The following ATG7 variants were observed in gnomAD, a reference collection of about 807,000 sequenced individuals.
ATG7 encodes autophagy related 7, also known as ubiquitin-like modifier-activating enzyme ATG7.
In ATG7, 70 loss-of-function variants were observed where a neutral mutation model predicts 82.4. That is an observed-to-expected ratio of 0.85 (90% CI 0.70 to 1.04). The LOEUF (loss-of-function observed/expected upper bound fraction) is 1.04. Among genes scored for constraint, ATG7 ranks in the 50% least tolerant of loss-of-function variants. The pLI, the probability that ATG7 is intolerant of heterozygous loss-of-function variation, is 0.00. For missense variants in ATG7, 792 were observed against 864.3 expected (o/e 0.92, Z 1.05); for synonymous variants, 287 against 313.0 (o/e 0.92, Z 0.88).
intron 14 of ATG7, among the ~76,000 whole-genome samples, chr3:11,350,177 G>T (rs1367337038): frequency 2.0e-5 from 3 of 152,122 alleles, no homozygotes; most frequent in Non-Finnish European, 2.9e-5. Context: ...TAATGTTTTT[G>T]TCCATTTCAC....
downstream of ATG7, among the ~76,000 whole-genome samples, chr3:11,560,070 G>A (rs1015483329): frequency 1.3e-5 from 2 of 150,250 alleles, no homozygotes; most frequent in East Asian, 3.9e-4. Context: ...CCACCCCCAC[G>A]CTGTCTGCCT....
chr3:11,299,415 A>T lies in ATG7; in HGVS notation c.214A>T (p.Met72Leu). ...RLTLEFSAFD[M>L]SAPTPARCCP... The stretch of plus-strand genomic sequence containing the variant: ...AACATTGGAGTTCAGTGCTTTTGAC[A>T]TGTGAGTATTTATTTGTTCAAAATC... Residue 72 changes from methionine (M) to leucine (L), a missense_variant and splice_region_variant, in exon 5 of 21, where the codon ATG becomes TTG. Met to Leu is a conservative substitution (Grantham distance 15). Transcript: ENST00000693202. 1 of 1,608,818 alleles carries T rather than the reference A, an allele frequency of 6.2e-7. No homozygotes were observed. Among genetic ancestry groups the T allele is most frequent in the Non-Finnish European group, 8.5e-7 (1 of 1,175,176 alleles).
Position 11,426,884 on chromosome 3 carries a change from G to T in ATG7, c.2037G>T (p.Leu679Phe). The change falls in exon 20 of 21, where the codon TTG becomes TTT. Residue 679 changes from leucine to phenylalanine, a missense_variant. Leu to Phe is a conservative substitution (Grantham distance 22, BLOSUM62 0). Transcript: ENST00000693202. Reference protein sequence around the residue: ...FNSSHSFLEDLTGLTLLHQET... With the variant: ...FNSSHSFLEDFTGLTLLHQET... ...CTTCACATTCCTTCTTAGAAGACTT[G>T]ACTGGTCTTACATTGCTGCATCAAG... The T allele has an allele frequency of 6.2e-7, 1 of 1,611,566 alleles. No homozygotes were observed. The highest frequency in any genetic ancestry group is 1.1e-5 in the South Asian group (1 of 90,456).
intron 20 of ATG7, among the ~76,000 whole-genome samples, chr3:11,463,856 T>C (rs1290715235): frequency 6.6e-6 from 1 of 152,194 alleles, no homozygotes; most frequent in Non-Finnish European, 1.5e-5. Context: ...CTTGCTCATT[T>C]TGGGACCAGT....
chr3:11,566,663 C>T, the ATG7 span, among the ~76,000 whole-genome samples: 1 of 152,168 alleles, frequency 6.6e-6, no homozygotes, highest in Non-Finnish European at 1.5e-5. Flanking sequence ...TGTGTACACG[C>T]GGTGCCGCTC....
At chr3:11,484,494 G>C (rs971309665) in intron 20 of ATG7, among the ~76,000 whole-genome samples, 5 of 152,108 alleles carry the variant, frequency 3.3e-5, no homozygotes, top group African/African-American at 1.2e-4. Flanking sequence ...CATAATTTAG[G>C]ACAAAATTGG....
intron 20 of ATG7, among the ~76,000 whole-genome samples, chr3:11,529,229 G>GT (rs1292578082): frequency 1.3e-5 from 2 of 152,100 alleles, no homozygotes; most frequent in Non-Finnish European, 2.9e-5. Flanking sequence ...AGTTTGCTTT[G>GT]TTTTTTAAGA....
At chr3:11,317,135 T>C (rs1346759294) in intron 9 of ATG7, among the ~76,000 whole-genome samples, 2 of 152,262 alleles carry the variant, frequency 1.3e-5, no homozygotes, top group South Asian at 2.1e-4. Context: ...CCACCACTCC[T>C]GGCCCAGAGG....
chr3:11,448,686 A>G (rs1317957514), intron 20 of ATG7, among the ~76,000 whole-genome samples: 1 of 152,192 alleles, frequency 6.6e-6, no homozygotes, highest in Admixed American at 6.5e-5. Flanking sequence ...TTGCTGCCAG[A>G]TGTAGATTTC....
intron 3 of ATG7, among the ~76,000 whole-genome samples, chr3:11,285,678 C>G (rs757282157): frequency 3.9e-5 from 6 of 152,104 alleles, no homozygotes; most frequent in Non-Finnish European, 5.9e-5. Context: ...TAACTTCTGT[C>G]AGGTTGATTG....
At chr3:11,452,647 A>ACATGG (rs1024571913) in intron 20 of ATG7, among the ~76,000 whole-genome samples, 1 of 152,156 alleles carries the variant, frequency 6.6e-6, no homozygotes, top group African/African-American at 2.4e-5. Flanking sequence ...AAACCAGTTA[A>ACATGG]CATGGTTTAT....
In ATG7 at chr3:11,273,638, A is replaced by G. The variant is rs139230407; in HGVS notation, c.-366+1208A>G. 1.0e-3 allele frequency among the ~76,000 whole-genome samples: 156 copies of G among 152,322 alleles called. 5 individuals are homozygous for G. In the East Asian group the frequency reaches 0.017, roughly 17 times the overall value. The stretch of plus-strand genomic sequence containing the variant: ...ATGCCTAGCATATTATATATGCTCA[A>G]TAAATATTTGTTGGATGAATGAATA... On this transcript the variant is annotated intron_variant, in intron 1 of 20. Coordinates refer to ENST00000693202, the MANE Select transcript of ATG7 (RefSeq NM_001349232.2).
intron 20 of ATG7, among the ~76,000 whole-genome samples, chr3:11,509,525 GTA>G (rs1324113325): frequency 3.6e-4 from 54 of 152,036 alleles, no homozygotes; most frequent in South Asian, 1.2e-3. Flanking sequence ...CAAATTGTTT[GTA>G]TTTTATGAGC....
intron 19 of ATG7, among the ~76,000 whole-genome samples, chr3:11,394,737 T>G (rs1205703748): frequency 6.6e-6 from 1 of 152,236 alleles, no homozygotes; most frequent in African/African-American, 2.4e-5. Flanking sequence ...CCGGAAACCG[T>G]AAGGCTTCCT....
At position 11,400,235 on chromosome 3, in the gene ATG7, G is replaced by A. The variant is rs559844842; in HGVS notation, c.1956+20183G>A. ...AACTCATCAACCTTAGGCTGTAAGA[G>A]ACTGAGTCCAATGTAAGTTTTCAAT... is the stretch of plus-strand genomic sequence containing the variant. On this transcript the variant is annotated intron_variant, in intron 19 of 20. Coordinates refer to ENST00000693202, the MANE Select transcript of ATG7 (RefSeq NM_001349232.2). Among the ~76,000 whole-genome samples the A allele has an allele frequency of 1.5e-4, 23 of 152,250 alleles. No homozygotes were observed. In the South Asian group the frequency reaches 3.5e-3, roughly 23 times the overall value.
At chr3:11,434,508 C>G (rs1306757006) in intron 20 of ATG7, among the ~76,000 whole-genome samples, 17 of 152,164 alleles carry the variant, frequency 1.1e-4, no homozygotes, top group Admixed American at 1.1e-3. Context: ...GCCCTCTCTC[C>G]TGAGTGAGGG....
intron 20 of ATG7, among the ~76,000 whole-genome samples, chr3:11,542,090 G>C (rs758442157): frequency 6.6e-6 from 1 of 152,178 alleles, no homozygotes; most frequent in African/African-American, 2.4e-5. Context: ...GCACTGGACA[G>C]CATACCCCGT....
intron 20 of ATG7, among the ~76,000 whole-genome samples, chr3:11,537,075 A>G (rs540588915): frequency 6.6e-6 from 1 of 152,138 alleles, no homozygotes; most frequent in African/African-American, 2.4e-5. Flanking sequence ...CCCTCTGCAC[A>G]GGGCCTCACC....
chr3:11,538,485 TTAA>T (rs2070514637), intron 20 of ATG7, among the ~76,000 whole-genome samples: 1 of 151,664 alleles, frequency 6.6e-6, no homozygotes, highest in Non-Finnish European at 1.5e-5. Flanking sequence ...TCTGAGTTCC[TTAA>T]GTGTAAAAAT....
Sources: gnomAD v4.1 joint callset for allele counts (sites outside exome capture counted in the v4.1 genomes callset) on GRCh38, gnomAD v4.1.1 for gene constraint, MANE v1.5 for transcripts, NCBI Gene and HGNC (gene_info 2026-07-23, HGNC 2026-07-21) for gene names.